The following TASOR2 variants were observed in gnomAD, a reference collection of about 807,000 sequenced individuals.
TASOR2 encodes transcription activation suppressor family member 2.
Under a neutral mutation model 199.5 loss-of-function variants are expected in TASOR2, and 84 were observed. The ratio of observed to expected loss-of-function variants is 0.42; its 90% CI spans 0.35 to 0.50. TASOR2 has a LOEUF of 0.50. TASOR2 is among the 20% of genes least tolerant of loss of function. The probability of loss-of-function intolerance (pLI) is 0.02; values close to 1 mark genes in which losing one functional copy is unlikely to be tolerated. For missense variants in TASOR2, 2,796 were observed against 2,835.9 expected (o/e 0.99, Z 0.32); for synonymous variants, 1,103 against 1,046.6 (o/e 1.05, Z -1.04).
chr10:5,739,916 T>G (rs1055483974), exon 13 of TASOR2: 2 of 1,614,044 alleles, frequency 1.2e-6, no homozygotes, highest in Non-Finnish European at 1.7e-6. Context: ...CATCTGACCA[T>G]GAATATCATA....
intron 8 of TASOR2, 71 bp downstream of exon 9, chr10:5,724,604 T>C (rs923625770): frequency 9.1e-6 from 2 of 218,786 alleles, no homozygotes; most frequent in Admixed American, 1.1e-4. Flanking sequence ...TGTGCCTAGA[T>C]GGCACATATA....
chr10:5,759,428 A>T (rs1024231921), intron 18 of TASOR2, among the ~76,000 whole-genome samples: 1 of 152,244 alleles, frequency 6.6e-6, no homozygotes, highest in African/African-American at 2.4e-5. Context: ...ACTAAGTCTA[A>T]AGCTGTAATT....
intron 18 of TASOR2, among the ~76,000 whole-genome samples, 188 bp downstream of exon 19, chr10:5,759,180 T>C (rs1467452928): frequency 6.6e-6 from 1 of 152,194 alleles, no homozygotes; most frequent in Non-Finnish European, 1.5e-5. Flanking sequence ...GTATGAGGCA[T>C]GTACTTATCT....
Position 5,722,692 on chromosome 10 carries a change from C to T in TASOR2, c.147-985C>T, listed in dbSNP as rs1833528606. 6.6e-6 allele frequency among the ~76,000 whole-genome samples: 1 copy of T among 151,958 alleles called. No individual in the cohort carries two copies. Among genetic ancestry groups the T allele is most frequent in the Admixed American group, 6.6e-5 (1 of 15,252 alleles). ...TGCAACTTTTGTATAAGTGTAAAAG[C>T]ATTTTAAAATGAGTTTTTAAAAAGG... On this transcript the variant is annotated intron_variant, in intron 6 of 20. Transcript: ENST00000328090. This position sits in a 1 kb window ranked among gnomAD's most constrained non-coding sequence, Gnocchi z 4.0.
intron 8 of TASOR2, 131 bp from the exon 10 acceptor site, chr10:5,726,754 A>T: frequency 1.4e-6 from 1 of 717,018 alleles, no homozygotes; most frequent in Admixed American, 2.7e-5. Context: ...GGACAGAATT[A>T]CCCTGATTCC....
chr10:5,720,299 T>A lies in TASOR2; in HGVS notation c.-99-245T>A. 1.0e-6 allele frequency: 1 copy of A among 985,358 alleles called. No homozygotes were observed. The highest frequency in any genetic ancestry group is 1.2e-6 in the Non-Finnish European group (1 of 829,846). The allele number at this position is 985,358 out of a possible 1,614,324, so 61.0% of individuals were successfully genotyped here. ...TGTGTCTGAGAATTATACAACTAAC[T>A]ATACTAAGCCATCTTCTGGCTATGA... On this transcript the variant is annotated intron_variant, in intron 3 of 20. Transcript: ENST00000328090. The surrounding 1 kb of genome is among the most constrained non-coding windows in gnomAD (Gnocchi z 5.3).
chr10:5,730,638 G>A lies in TASOR2; in HGVS notation c.639G>A (p.Leu213=), dbSNP rs113970479. The A allele has an allele frequency of 6.8e-6, 11 of 1,614,052 alleles. No homozygotes were observed. In the African/African-American group the frequency reaches 1.2e-4, roughly 18 times the overall value. Reference sequence around the variant, plus strand: ...TAGTAAAGCGTCATTTCCAAGAATTGTACAAGGCGGACAGAAGCCCTTCAT... The same window carrying A: ...TAGTAAAGCGTCATTTCCAAGAATTATACAAGGCGGACAGAAGCCCTTCAT... Residue 213 remains leucine, a synonymous_variant, in exon 11 of 21, where the codon TTG becomes TTA. Transcript: ENST00000328090. The surrounding 1 kb of genome is among the most constrained non-coding windows in gnomAD (Gnocchi z 4.1).
chr10:5,746,681 C>T, exon 15 of TASOR2: 1 of 1,614,118 alleles, frequency 6.2e-7, no homozygotes, highest in Non-Finnish European at 8.5e-7. Context: ...AAGCAAGTAT[C>T]ACCTGCTGCA....
chr10:5,701,841 A>C lies in TASOR2; in HGVS notation c.-287-10982A>C, dbSNP rs1406734009. Among the ~76,000 whole-genome samples the C allele has an allele frequency of 6.6e-6, 1 of 152,178 alleles. No homozygotes were observed. The highest frequency in any genetic ancestry group is 1.5e-5 in the Non-Finnish European group (1 of 68,010). On this transcript the variant is annotated intron_variant, in intron 1 of 20. Coordinates refer to ENST00000328090, the Ensembl canonical transcript of TASOR2. The surrounding 1 kb of genome is among the most constrained non-coding windows in gnomAD (Gnocchi z 4.9). ...TGCAACTTTACTGAATTTGTTTATC[A>C]GTTCTAACAATTTTTTTGGTGGAGT...
At chr10:5,758,821 G>A (rs917473504) in intron 17 of TASOR2, 66 bp from the exon 19 acceptor site, 1 of 1,141,310 alleles carries the variant, frequency 8.8e-7, no homozygotes, top group Non-Finnish European at 1.3e-6. Context: ...ATTATCACTG[G>A]GCTTGGCATG....
chr10:5,705,082 A>T (rs1838403992), intron 1 of TASOR2, among the ~76,000 whole-genome samples: 1 of 152,220 alleles, frequency 6.6e-6, no homozygotes. Flanking sequence ...ATACCATGTG[A>T]TGACTACACC....
At chr10:5,714,257 G>C (rs1832312973) in intron 2 of TASOR2, 50 bp downstream of exon 3, 1 of 1,118,216 alleles carries the variant, frequency 8.9e-7, no homozygotes, top group Admixed American at 4.2e-5. Flanking sequence ...TCTTTTACAA[G>C]ATGAAGTGAG....
chr10:5,689,424 A>C lies in TASOR2; in HGVS notation c.-288+4249A>C, dbSNP rs1385278316. Reference sequence around the variant, plus strand: ...AGACCAGCCTGACCAATATGGTGAAACTCTGTCTCTACTAAAAATACAAAA... The same window carrying C: ...AGACCAGCCTGACCAATATGGTGAACCTCTGTCTCTACTAAAAATACAAAA... On this transcript the variant is annotated intron_variant, in intron 1 of 20. Transcript: ENST00000328090. This position sits in a 1 kb window ranked among gnomAD's most constrained non-coding sequence, Gnocchi z 4.1. 1.3e-5 allele frequency among the ~76,000 whole-genome samples: 2 copies of C among 151,834 alleles called. No individual in the cohort carries two copies. Among genetic ancestry groups the C allele is most frequent in the African/African-American group, 4.8e-5 (2 of 41,318 alleles).
rs758665840 is a variant in TASOR2 at position 5,747,829 on chromosome 10, G to T, written c.4408G>T (p.Val1470Leu). 44 of 1,613,698 alleles carry T rather than the reference G, an allele frequency of 2.7e-5. No homozygotes were observed. The highest frequency in any genetic ancestry group is 3.6e-5 in the Non-Finnish European group (42 of 1,180,040). ...AGTGGGGCAAGATAACTTTACCCAG[G>T]TACAACAAATGCAGGTCTCTGCCGA... The change falls in exon 15 of 21, where the codon GTA becomes TTA. Residue 1470 changes from valine (V) to leucine (L), a missense_variant. Physicochemically the swap from Val to Leu is conservative, Grantham distance 32. This residue lies in a region of TASOR2 where 1,941 missense variants were observed against 1,924.9 expected (regional missense o/e 1.01). Coordinates refer to ENST00000328090, the Ensembl canonical transcript of TASOR2.
intron 8 of TASOR2, 76 bp downstream of exon 9, chr10:5,724,609 C>CAT (rs1485363527): frequency 1.2e-4 from 17 of 146,600 alleles, no homozygotes; most frequent in Admixed American, 1.0e-3. Flanking sequence ...CTAGATGGCA[C>CAT]ATATATATAT....
chr10:5,707,567 G>A (rs1838789909), intron 1 of TASOR2, among the ~76,000 whole-genome samples: 1 of 152,020 alleles, frequency 6.6e-6, no homozygotes, highest in African/African-American at 2.4e-5. Context: ...CCAGAACTGA[G>A]TCACATGTTT....
rs989232745 is a variant in TASOR2, at chr10:5,737,450, G to A, written c.1447+1904G>A. The stretch of plus-strand genomic sequence containing the variant: ...TTGAGCTCTTCTGCTTGTCCCTCTC[G>A]GGAGTTTATGGTGTGGCTGTACCTC... On this transcript the variant is annotated intron_variant, in intron 12 of 20. Coordinates refer to ENST00000328090, the Ensembl canonical transcript of TASOR2. The surrounding 1 kb of genome is among the most constrained non-coding windows in gnomAD (Gnocchi z 4.9). Among the ~76,000 whole-genome samples the A allele has an allele frequency of 4.6e-5, 7 of 151,074 alleles. No homozygotes were observed. The highest frequency in any genetic ancestry group is 4.2e-4 in the South Asian group (2 of 4,758).
rs1433072759 is a variant in TASOR2 at position 5,730,302 on chromosome 10, T to A, written c.488-185T>A. Reference sequence around the variant, plus strand: ...GTGTGTGTGTGTATGTAATTTCAAGTATATGGAGATACATTTGTTAAATGT... The same window carrying A: ...GTGTGTGTGTGTATGTAATTTCAAGAATATGGAGATACATTTGTTAAATGT... On this transcript the variant is annotated intron_variant, in intron 10 of 20. Coordinates refer to ENST00000328090, the Ensembl canonical transcript of TASOR2. The surrounding 1 kb of genome is among the most constrained non-coding windows in gnomAD (Gnocchi z 4.1). 6.6e-6 allele frequency among the ~76,000 whole-genome samples: 1 copy of A among 152,218 alleles called. No individual in the cohort carries two copies. Among genetic ancestry groups the A allele is most frequent in the Non-Finnish European group, 1.5e-5 (1 of 68,038 alleles).
intron 1 of TASOR2, among the ~76,000 whole-genome samples, chr10:5,686,380 A>G (rs1404158135): frequency 2.0e-5 from 3 of 152,222 alleles, no homozygotes; most frequent in Non-Finnish European, 4.4e-5. Flanking sequence ...ACAGTATACT[A>G]TCTATTCAGT....
Sources: allele counts gnomAD v4.1 joint callset (sites outside exome capture counted in the v4.1 genomes callset), GRCh38; gene constraint gnomAD v4.1.1; regional missense constraint gnomAD v4.1.1; non-coding constraint Gnocchi (gnomAD v3.1); transcripts MANE v1.5; gene names NCBI Gene and HGNC (gene_info 2026-07-23, HGNC 2026-07-21).